LIMS1: variants seen among roughly 807,000 people sequenced by gnomAD.
LIMS1 encodes the protein LIM zinc finger domain containing 1.
Under a neutral mutation model 44.1 loss-of-function variants are expected in LIMS1, and 18 were observed. That is an observed-to-expected ratio of 0.41 (90% CI 0.28 to 0.61). The LOEUF is 0.61. LIMS1 is among the 20% of genes least tolerant of loss of function. LIMS1 has a pLI of 0.32. For synonymous variants in LIMS1, 93 were observed against 149.1 expected, an observed-to-expected ratio of 0.62 and a Z score of 2.74; for missense variants, 201 against 422.0, an observed-to-expected ratio of 0.48 and a Z score of 4.59.
intron 1 of LIMS1, among the ~76,000 whole-genome samples, chr2:108,657,447 T>G (rs1333015088): frequency 6.6e-6 from 1 of 152,310 alleles, no homozygotes; most frequent in Non-Finnish European, 1.5e-5. Flanking sequence ...AGAACAATAA[T>G]GAGAACAGCA....
intron 1 of LIMS1, among the ~76,000 whole-genome samples, chr2:108,552,142 A>G (rs56206339): frequency 0.38 from 54,705 of 144,732 alleles, 11,949 homozygotes; most frequent in East Asian, 0.89. Flanking sequence ...ATACTTAACT[A>G]TATAATTATA....
At chr2:108,631,973 T>C (rs1458533007) in intron 1 of LIMS1, among the ~76,000 whole-genome samples, 2 of 151,822 alleles carry the variant, frequency 1.3e-5, no homozygotes, top group African/African-American at 2.4e-5. Flanking sequence ...GGTACTTTCG[T>C]GTTTGTTTGT....
intron 1 of LIMS1, among the ~76,000 whole-genome samples, chr2:108,591,021 AG>A (rs1686357840): frequency 6.6e-6 from 1 of 152,154 alleles, no homozygotes; most frequent in Non-Finnish European, 1.5e-5. Flanking sequence ...GCAGGGAGGG[AG>A]GGTGTATGTG....
At chr2:108,534,307 T>G (rs1373963844), upstream of LIMS1, 4 of 168,262 alleles carry the variant, frequency 2.4e-5, no homozygotes, top group East Asian at 5.6e-4. Flanking sequence ...ACCTCTCCAG[T>G]CCGCGCCCTT....
chr2:108,656,046 C>G (rs1165404016), intron 1 of LIMS1, among the ~76,000 whole-genome samples: 1 of 96,794 alleles, frequency 1.0e-5, no homozygotes, highest in African/African-American at 3.6e-5. Context: ...ACAGATGTCA[C>G]TTATCTTCAC....
exon 10 of LIMS1, chr2:108,684,062 A>C (rs1693183607): frequency 1.2e-6 from 1 of 812,102 alleles, no homozygotes; most frequent in Non-Finnish European, 2.0e-6. Flanking sequence ...GTCTTGATCT[A>C]CCCATATTTA....
intron 1 of LIMS1, among the ~76,000 whole-genome samples, chr2:108,587,541 T>C (rs1266876857): frequency 6.6e-6 from 1 of 152,060 alleles, no homozygotes; most frequent in African/African-American, 2.4e-5. Flanking sequence ...GCCCTAGTTA[T>C]GTTACCATCC....
chr2:108,670,656 G>A (rs1692104172), intron 2 of LIMS1, 125 bp from the exon 3 acceptor site: 2 of 672,698 alleles, frequency 3.0e-6, no homozygotes. Context: ...AATCCCAGTA[G>A]AGTTATAAAT....
chr2:108,590,973 A>G (rs1010934467), intron 1 of LIMS1, among the ~76,000 whole-genome samples: 13 of 152,230 alleles, frequency 8.5e-5, no homozygotes, highest in African/African-American at 2.9e-4. Context: ...AAATTCAAAA[A>G]TTATCTACTG....
Position 108,609,765 on chromosome 2 carries a change from C to T in LIMS1, c.33-49840C>T, listed in dbSNP as rs768935659. Among the ~76,000 whole-genome samples, 11 of 152,156 alleles carry T rather than the reference C, an allele frequency of 7.2e-5. No individual in the cohort carries two copies. In the South Asian group the frequency reaches 1.0e-3, roughly 14 times the overall value. ...TGCTGTCGGTGCATCACACTGCACACATATACAGCAGTGTATGACCTTCTG... is the reference window on the plus strand; with the variant it reads ...TGCTGTCGGTGCATCACACTGCACATATATACAGCAGTGTATGACCTTCTG... On this transcript the variant is annotated intron_variant, in intron 1 of 9. Coordinates refer to ENST00000544547, the Ensembl canonical transcript of LIMS1.
chr2:108,593,460 C>T (rs917616840), intron 1 of LIMS1, among the ~76,000 whole-genome samples: 8 of 152,198 alleles, frequency 5.3e-5, no homozygotes, highest in South Asian at 4.1e-4. Flanking sequence ...CATCCCCACT[C>T]TCAAGCCTAC....
intron 1 of LIMS1, among the ~76,000 whole-genome samples, chr2:108,607,608 A>G (rs1687343144): frequency 1.3e-5 from 2 of 152,186 alleles, no homozygotes; most frequent in African/African-American, 2.4e-5. Flanking sequence ...CTTAAAGTCA[A>G]TTCACAGGTC....
chr2:108,540,075 C>A (rs1684266484), intron 1 of LIMS1, among the ~76,000 whole-genome samples: 1 of 150,378 alleles, frequency 6.6e-6, no homozygotes, highest in Non-Finnish European at 1.5e-5. Context: ...GGACTGTAAA[C>A]TTATTCCAAC....
intron 1 of LIMS1, among the ~76,000 whole-genome samples, chr2:108,602,979 G>A (rs998719612): frequency 3.9e-5 from 6 of 152,024 alleles, no homozygotes; most frequent in African/African-American, 1.2e-4. Flanking sequence ...TTAGGGTTTC[G>A]TCATGGTACC....
intron 3 of LIMS1, among the ~76,000 whole-genome samples, chr2:108,671,702 A>G (rs1325733478): frequency 1.3e-5 from 2 of 152,244 alleles, no homozygotes; most frequent in Non-Finnish European, 2.9e-5. Flanking sequence ...TCAGTTGTCT[A>G]TGTTGACAAT....
At chr2:108,674,359 C>T (rs966762464) in intron 5 of LIMS1, among the ~76,000 whole-genome samples, 7 of 151,986 alleles carry the variant, frequency 4.6e-5, no homozygotes, top group African/African-American at 1.7e-4. Context: ...ATATTCTTTA[C>T]TGTAGTTAAT....
intron 1 of LIMS1, among the ~76,000 whole-genome samples, chr2:108,569,189 CCGTGTTGT>C (rs1685398900): frequency 6.6e-6 from 1 of 152,172 alleles, no homozygotes; most frequent in African/African-American, 2.4e-5. Context: ...CCGCACCTGG[CCGTGTTGT>C]TGTTCTTCAG....
intron 1 of LIMS1, among the ~76,000 whole-genome samples, chr2:108,603,009 C>T (rs1174065420): frequency 6.6e-6 from 1 of 152,212 alleles, no homozygotes; most frequent in Non-Finnish European, 1.5e-5. Flanking sequence ...TGGTCTGGAA[C>T]ACCTGGGTTC....
chr2:108,608,896 A>G (rs1687428161), intron 1 of LIMS1, among the ~76,000 whole-genome samples: 1 of 152,178 alleles, frequency 6.6e-6, no homozygotes, highest in Non-Finnish European at 1.5e-5. Flanking sequence ...CATTAACACC[A>G]TGATTATTAC....
Sources: gnomAD v4.1 joint callset for allele counts (sites outside exome capture counted in the v4.1 genomes callset) on GRCh38, gnomAD v4.1.1 for gene constraint, MANE v1.5 for transcripts, NCBI Gene and HGNC (gene_info 2026-07-23, HGNC 2026-07-21) for gene names.